MMP2: variants seen among roughly 807,000 people sequenced by gnomAD.
The protein encoded by MMP2 is 72 kDa type IV collagenase.
In MMP2, 39 loss-of-function variants were observed where a neutral mutation model predicts 74.8. That is an observed-to-expected ratio of 0.52 (90% CI 0.40 to 0.68). The LOEUF is 0.68. MMP2 is among the 30% of genes least tolerant of loss of function. The pLI is 0.00. For missense variants in MMP2, 803 were observed against 878.3 expected, an observed-to-expected ratio of 0.91 and a Z score of 1.08; for synonymous variants, 367 against 339.8, an observed-to-expected ratio of 1.08 and a Z score of -0.88.
intron 12 of MMP2, among the ~76,000 whole-genome samples, chr16:55,504,855 T>C (rs568219095): frequency 1.5e-4 from 23 of 152,118 alleles, no homozygotes; most frequent in East Asian, 3.9e-4. Flanking sequence ...GGTTTCACCA[T>C]GTTAGCCAGG....
rs1417392974 is a variant in MMP2, at chr16:55,505,387, A to G, written c.1928A>G (p.Gln643Arg). 6.2e-7 allele frequency: 1 copy of G among 1,614,128 alleles called. No homozygotes were observed. Among genetic ancestry groups the G allele is most frequent in the Non-Finnish European group, 8.5e-7 (1 of 1,180,018 alleles). ...KGAYYLKLEN[Q>R]SLKSVKFGSI... ...GCCTATTACCTGAAGCTGGAGAACC[A>G]AAGTCTGAAGAGCGTGAAGTTTGGA... Residue 643 changes from glutamine (Q) to arginine (R), a missense_variant, in exon 13 of 13, where the codon CAA (glutamine) becomes CGA (arginine). Gln to Arg is a conservative substitution (Grantham distance 43). Around this residue, in one of 3 missense-constraint regions of MMP2, gnomAD observed 555 missense variants for 592.0 expected, o/e 0.94. Transcript: ENST00000219070.
chr16:55,504,239 ACTT>A (rs1962740799), intron 12 of MMP2, among the ~76,000 whole-genome samples: 1 of 152,124 alleles, frequency 6.6e-6, no homozygotes, highest in African/African-American at 2.4e-5. Flanking sequence ...AGAAATCTGT[ACTT>A]CTGTGTGACT....
chr16:55,492,764 A>G (rs760138685), intron 8 of MMP2, among the ~76,000 whole-genome samples: 7 of 152,054 alleles, frequency 4.6e-5, no homozygotes, highest in Non-Finnish European at 8.8e-5. Context: ...AAAGTGCCAT[A>G]CTGTCAGTTC....
At position 55,489,799 on chromosome 16, in the gene MMP2, C is replaced by T. The variant is rs1962358197; in HGVS notation, c.1155C>T (p.Arg385=). 1 of 1,614,130 alleles carries T rather than the reference C, an allele frequency of 6.2e-7. No individual in the cohort carries two copies. Among genetic ancestry groups the T allele is most frequent in the Non-Finnish European group, 8.5e-7 (1 of 1,180,010 alleles). ...CCACAGCCAACTACGATGATGACCG[C>T]AAGTGGGGCTTCTGCCCTGACCAAG... The part of the protein sequence containing the change: ...CATTANYDDD[R]KWGFCPDQGY... Residue 385 remains arginine, a synonymous_variant, in exon 7 of 13, where the codon CGC becomes CGT. Transcript: ENST00000219070.
Position 55,484,098 on chromosome 16 carries a change from A to T in MMP2, c.463A>T (p.Thr155Ser), listed in dbSNP as rs745781877. ...ARAFQVWSDV[T>S]PLRFSRIHDG... ...TGCCTTCCAAGTCTGGAGCGATGTG[A>T]CCCCACTGCGGTTTTCTCGAATCCA... The change falls in exon 3 of 13, where the codon ACC becomes TCC. Residue 155 changes from threonine (T) to serine (S), a missense_variant. Physicochemically the swap from Thr to Ser is moderately conservative, Grantham distance 58 (BLOSUM62 1). Coordinates refer to ENST00000219070, the MANE Select transcript of MMP2 (RefSeq NM_004530.6). 1 of 1,614,048 alleles carries T rather than the reference A, an allele frequency of 6.2e-7. No homozygotes were observed. Among genetic ancestry groups the T allele is most frequent in the Admixed American group, 1.7e-5 (1 of 60,004 alleles).
intron 9 of MMP2, among the ~76,000 whole-genome samples, chr16:55,496,210 G>A (rs879840368): frequency 8.5e-5 from 13 of 152,214 alleles, no homozygotes; most frequent in South Asian, 4.1e-4. Flanking sequence ...CTCAGGTGAC[G>A]CAGATGCTGC....
chr16:55,504,142 A>G (rs1321208129), intron 12 of MMP2, among the ~76,000 whole-genome samples: 3 of 152,034 alleles, frequency 2.0e-5, no homozygotes, highest in Admixed American at 1.3e-4. Context: ...TGGGTGACAG[A>G]GTGAGACCTG....
At position 55,485,629 on chromosome 16, in the gene MMP2, C is replaced by T. The variant is rs138036598; in HGVS notation, c.684C>T (p.Ala228=). Residue 228 remains alanine, a synonymous_variant, in exon 5 of 13, where the codon GCC becomes GCT. Coordinates refer to ENST00000219070, the MANE Select transcript of MMP2 (RefSeq NM_004530.6). The stretch of plus-strand genomic sequence containing the variant: ...TGGTCCGTGTGAAGTATGGGAACGC[C>T]GATGGGGAGTACTGCAAGTTCCCCT... The part of the protein sequence containing the change: ...GQVVRVKYGN[A]DGEYCKFPFL... The T allele has an allele frequency of 3.4e-5, 55 of 1,614,112 alleles. No homozygotes were observed. The highest frequency in any genetic ancestry group is 4.3e-5 in the Non-Finnish European group (51 of 1,180,020).
chr16:55,484,219 G>A lies in MMP2; in HGVS notation c.529+55G>A, dbSNP rs1169861237. On this transcript the variant is annotated intron_variant, in intron 3 of 12. Transcript: ENST00000219070. ...CAGCAGGGATCAGTGTTGAGACGAG[G>A]GGGTGAGATGGACATTAGAGGGGCG... The A allele has an allele frequency of 5.7e-6, 9 of 1,585,456 alleles. No homozygotes were observed. In the East Asian group the frequency reaches 1.6e-4, roughly 28 times the overall value.
chr16:55,498,486 G>T, intron 11 of MMP2, 38 bp downstream of exon 11: 2 of 1,613,804 alleles, frequency 1.2e-6, no homozygotes, highest in Non-Finnish European at 1.7e-6. Context: ...AGCACAGTTG[G>T]CTGCGAGAGA....
chr16:55,499,822 G>A (rs1487645769), intron 11 of MMP2, among the ~76,000 whole-genome samples: 2 of 151,766 alleles, frequency 1.3e-5, no homozygotes, highest in Non-Finnish European at 2.9e-5. Context: ...GGAAAGAGTG[G>A]TCGGGGCACA....
At chr16:55,481,829 C>T (rs773532395) in intron 1 of MMP2, 8 of 755,110 alleles carry the variant, frequency 1.1e-5, no homozygotes, top group Admixed American at 1.8e-5. Flanking sequence ...GGGAAATTTC[C>T]TATCTCAGGG....
intron 6 of MMP2, 174 bp downstream of exon 6, chr16:55,488,890 C>G: frequency 4.3e-6 from 3 of 693,272 alleles, no homozygotes; most frequent in Non-Finnish European, 7.5e-6. Context: ...TACTTGTCAC[C>G]TGGTATGGCC....
intron 2 of MMP2, 48 bp downstream of exon 2, chr16:55,483,183 C>T (rs754413871): frequency 1.6e-5 from 24 of 1,485,308 alleles, no homozygotes; most frequent in Middle Eastern, 3.5e-4. Context: ...CTGAGGGACA[C>T]GAGTCTCCTT....
rs534885491 is a variant in MMP2, at chr16:55,491,683, G to A, written c.1181-118G>A. ...AAAAAATCAATACATGCCGCTTCCAGGGTTCTCAGCCTTACTGTGGGGCTG... is the reference window on the plus strand; with the variant it reads ...AAAAAATCAATACATGCCGCTTCCAAGGTTCTCAGCCTTACTGTGGGGCTG... On this transcript the variant is annotated intron_variant, in intron 7 of 12. Transcript: ENST00000219070. The A allele has an allele frequency of 1.5e-5, 18 of 1,168,646 alleles. No individual in the cohort carries two copies. In the East Asian group the frequency reaches 4.2e-4, roughly 28 times the overall value. The allele number at this position is 1,168,646 out of a possible 1,614,324, so 72.4% of individuals were successfully genotyped here.
rs778901235 is a variant in MMP2, at chr16:55,505,370, C to T, written c.1911C>T (p.Tyr637=). Reference sequence around the variant, plus strand: ...GCTACTTCTTCAAGGGTGCCTATTACCTGAAGCTGGAGAACCAAAGTCTGA... The same window carrying T: ...GCTACTTCTTCAAGGGTGCCTATTATCTGAAGCTGGAGAACCAAAGTCTGA... ...GHSYFFKGAY[Y]LKLENQSLKS... The change falls in exon 13 of 13, where the codon TAC becomes TAT. Residue 637 remains tyrosine (Y), a synonymous_variant. Transcript: ENST00000219070. 3.1e-6 allele frequency: 5 copies of T among 1,614,090 alleles called. No homozygotes were observed. Among genetic ancestry groups the T allele is most frequent in the Non-Finnish European group, 4.2e-6 (5 of 1,179,996 alleles).
At chr16:55,482,455 G>A (rs17859858) in intron 1 of MMP2, among the ~76,000 whole-genome samples, 1,587 of 152,302 alleles carry the variant, frequency 0.01, 24 homozygotes, top group African/African-American at 0.032. Flanking sequence ...GGATGCTGGA[G>A]TATAATGATT....
In MMP2 at chr16:55,485,439, G is replaced by C; in HGVS notation, c.658+12G>C. 1.9e-6 allele frequency: 3 copies of C among 1,614,072 alleles called. No individual in the cohort carries two copies. The highest frequency in any genetic ancestry group is 2.5e-6 in the Non-Finnish European group (3 of 1,180,008). ...GGGAGAAGGCCAAGGTGAGAAAGGG[G>C]CCCTCTGCATGCCCCAGACCTTCTC... On this transcript the variant is annotated intron_variant, in intron 4 of 12. Coordinates refer to ENST00000219070, the MANE Select transcript of MMP2 (RefSeq NM_004530.6).
chr16:55,497,207 C>T, intron 10 of MMP2, 145 bp downstream of exon 10: 1 of 1,143,210 alleles, frequency 8.7e-7, no homozygotes, highest in Non-Finnish European at 1.3e-6. Flanking sequence ...TTCATTCTTT[C>T]AACATTATTT....
Sources: gnomAD v4.1 joint callset for allele counts (sites outside exome capture counted in the v4.1 genomes callset) on GRCh38, gnomAD v4.1.1 for gene constraint, gnomAD v4.1.1 regional missense constraint, MANE v1.5 for transcripts, NCBI Gene and HGNC (gene_info 2026-07-23, HGNC 2026-07-21) for gene names.